PTPRD: variants seen among roughly 807,000 people sequenced by gnomAD.
PTPRD encodes protein tyrosine phosphatase receptor type D.
In PTPRD, 34 loss-of-function variants were observed where a neutral mutation model predicts 214.5. The ratio of observed to expected loss-of-function variants is 0.16; its 90% CI spans 0.12 to 0.21. PTPRD has a LOEUF of 0.21. PTPRD is among the 10% of genes least tolerant of loss of function. The pLI, the probability that PTPRD is intolerant of heterozygous loss-of-function variation, is 1.00. For missense variants in PTPRD, 2,545 were observed against 2,398.7 expected, an observed-to-expected ratio of 1.06 and a Z score of -1.27; for synonymous variants, 1,128 against 845.7, an observed-to-expected ratio of 1.33 and a Z score of -5.79.
At chr9:9,859,369 T>G (rs1490688359) in intron 5 of PTPRD, among the ~76,000 whole-genome samples, 1 of 152,188 alleles carries the variant, frequency 6.6e-6, no homozygotes, top group Non-Finnish European at 1.5e-5. Context: ...TTGAGGAAGA[T>G]TCTAAAGTTG....
At chr9:9,595,479 C>T (rs1454855609) in intron 7 of PTPRD, among the ~76,000 whole-genome samples, 1 of 150,240 alleles carries the variant, frequency 6.7e-6, no homozygotes, top group Non-Finnish European at 1.5e-5. Flanking sequence ...CACATGCATA[C>T]ACATGTATGC....
intron 11 of PTPRD, among the ~76,000 whole-genome samples, chr9:8,977,588 A>G (rs1156298444): frequency 6.6e-6 from 1 of 151,924 alleles, no homozygotes; most frequent in African/African-American, 2.4e-5. Flanking sequence ...TTTTGTTTAA[A>G]TGTCATCCCA....
At chr9:9,864,430 TA>T (rs1485398821) in intron 5 of PTPRD, among the ~76,000 whole-genome samples, 1 of 152,030 alleles carries the variant, frequency 6.6e-6, no homozygotes, top group Non-Finnish European at 1.5e-5. Context: ...GTGTGTGACA[TA>T]GATTCCGTGG....
chr9:10,290,955 G>A (rs2095508464), intron 3 of PTPRD, among the ~76,000 whole-genome samples: 1 of 151,402 alleles, frequency 6.6e-6, no homozygotes. Context: ...TTGTTGTTTA[G>A]CTAATATTGA....
At chr9:10,099,367 A>G (rs1209933298) in intron 3 of PTPRD, among the ~76,000 whole-genome samples, 3 of 151,740 alleles carry the variant, frequency 2.0e-5, no homozygotes, top group African/African-American at 7.2e-5. Context: ...ATGAGTTAAT[A>G]TAATAGAGTC....
At chr9:10,208,430 C>T (rs902737021) in intron 3 of PTPRD, among the ~76,000 whole-genome samples, 5 of 152,168 alleles carry the variant, frequency 3.3e-5, no homozygotes, top group Non-Finnish European at 7.4e-5. Flanking sequence ...AGGAGAAGGG[C>T]GTGAACCCGG....
chr9:10,355,657 T>C (rs898611320), intron 2 of PTPRD, among the ~76,000 whole-genome samples: 1 of 152,028 alleles, frequency 6.6e-6, no homozygotes, highest in Non-Finnish European at 1.5e-5. Flanking sequence ...TTTGTATTTT[T>C]AGTAGAGACG....
chr9:9,271,032 A>T (rs1942683533), intron 9 of PTPRD, among the ~76,000 whole-genome samples: 2 of 151,284 alleles, frequency 1.3e-5, no homozygotes, highest in South Asian at 2.1e-4. Flanking sequence ...TGATCATGTT[A>T]AGTTTAAAGT....
intron 4 of PTPRD, among the ~76,000 whole-genome samples, chr9:10,009,149 T>C (rs1166318247): frequency 6.6e-6 from 1 of 152,032 alleles, no homozygotes; most frequent in Non-Finnish European, 1.5e-5. Flanking sequence ...GGAAAATCTT[T>C]TAGAGTCTTA....
chr9:8,542,032 A>G (rs534090958), intron 14 of PTPRD, among the ~76,000 whole-genome samples: 52 of 152,178 alleles, frequency 3.4e-4, no homozygotes, highest in Non-Finnish European at 5.9e-4. Flanking sequence ...AGAGTTGTCA[A>G]GCATCCACAT....
chr9:8,999,624 C>T (rs921347195), intron 11 of PTPRD, among the ~76,000 whole-genome samples: 16 of 151,894 alleles, frequency 1.1e-4, no homozygotes, highest in South Asian at 2.1e-4. Flanking sequence ...TTAATATCTC[C>T]GAGGTATGCT....
chr9:8,872,941 G>A (rs560917628), intron 11 of PTPRD, among the ~76,000 whole-genome samples: 2 of 152,186 alleles, frequency 1.3e-5, no homozygotes, highest in South Asian at 2.1e-4. Flanking sequence ...GAGTGCTGTC[G>A]GTGGAAAATA....
chr9:10,411,143 C>A (rs1356969606), intron 2 of PTPRD, among the ~76,000 whole-genome samples: 1 of 151,728 alleles, frequency 6.6e-6, no homozygotes, highest in Admixed American at 6.6e-5. Flanking sequence ...ACTGCCATGA[C>A]AAAGAATTTG....
In PTPRD at chr9:8,469,394, T is replaced by A. The variant is rs184149360; in HGVS notation, c.3504+1601A>T. ...TCTCAGTGCCTTAAAAACTTTTTTT[T>A]AATAGGTAGAACAATTCATAGATTC... On this transcript the variant is annotated intron_variant, in intron 31 of 45. Transcript: ENST00000381196. Among the ~76,000 whole-genome samples, 327 of 152,180 alleles carry A rather than the reference T, an allele frequency of 2.1e-3. 4 individuals carry two copies. Among genetic ancestry groups the A allele is most frequent in the South Asian group, 0.014 (67 of 4,824 alleles).
intron 5 of PTPRD, among the ~76,000 whole-genome samples, chr9:9,787,857 C>G (rs12378642): frequency 0.51 from 76,510 of 151,454 alleles, 19,686 homozygotes; most frequent in Middle Eastern, 0.61. Flanking sequence ...TCTCGGCTCA[C>G]TGCAACCTCC....
At chr9:8,931,259 A>G (rs1387180150) in intron 11 of PTPRD, among the ~76,000 whole-genome samples, 1 of 152,000 alleles carries the variant, frequency 6.6e-6, no homozygotes, top group East Asian at 1.9e-4. Flanking sequence ...TTTGTCAAAG[A>G]TCAGATAGTT....
intron 7 of PTPRD, among the ~76,000 whole-genome samples, chr9:9,658,320 C>A (rs1291416613): frequency 2.6e-5 from 4 of 152,110 alleles, no homozygotes; most frequent in Admixed American, 2.6e-4. Flanking sequence ...ATATCCTACC[C>A]ATTTATCTCC....
chr9:10,131,028 G>T (rs970694530), intron 3 of PTPRD, among the ~76,000 whole-genome samples: 5 of 152,104 alleles, frequency 3.3e-5, no homozygotes, highest in Non-Finnish European at 7.4e-5. Flanking sequence ...GAAGTATAAG[G>T]TGATACTAGT....
chr9:10,470,677 T>TC (rs1296925656), intron 2 of PTPRD, among the ~76,000 whole-genome samples: 1 of 151,986 alleles, frequency 6.6e-6, no homozygotes, highest in African/African-American at 2.4e-5. Flanking sequence ...TAATAATAGC[T>TC]CCCTTCTCCC....
Sources: gnomAD v4.1 joint callset for allele counts (sites outside exome capture counted in the v4.1 genomes callset) on GRCh38, gnomAD v4.1.1 for gene constraint, MANE v1.5 for transcripts, NCBI Gene and HGNC (gene_info 2026-07-23, HGNC 2026-07-21) for gene names.